The following CYREN variants were observed in gnomAD, a reference collection of about 807,000 sequenced individuals.
CYREN encodes cell cycle regulator of NHEJ.
In CYREN, 7 loss-of-function variants were observed where a neutral mutation model predicts 9.7. The observed-to-expected ratio is 0.72, with a 90% CI of 0.41 to 1.36. The LOEUF is 1.36. CYREN is among the 40% of genes most tolerant of loss of function. CYREN has a pLI of 0.01. For missense variants in CYREN, 215 were observed against 198.1 expected (o/e 1.09, Z -0.51); for synonymous variants, 76 against 77.9 (o/e 0.98, Z 0.13).
At chr7:135,135,992 T>C (rs1163637541) in intron 2 of CYREN, among the ~76,000 whole-genome samples, 3 of 152,144 alleles carry the variant, frequency 2.0e-5, no homozygotes, top group African/African-American at 7.2e-5. Flanking sequence ...CATTTATTCA[T>C]GTGAACACTG....
Position 135,114,524 on chromosome 7 carries a change from T to C in CYREN, n.357-19942A>G, listed in dbSNP as rs527829885. On this transcript the variant is annotated intron_variant and non_coding_transcript_variant, in intron 2 of 2. Transcript: ENST00000459937. ...AACATGCTCTTCCCAGTCTCCCCCA[T>C]GTCCTTATACTGCCATTTCCTCAAA... Among the ~76,000 whole-genome samples the C allele has an allele frequency of 4.6e-4, 70 of 151,092 alleles. No individual in the cohort carries two copies. The South Asian group carries it at 0.014, about 31-fold the overall frequency.
downstream of CYREN, among the ~76,000 whole-genome samples, chr7:135,163,258 A>T (rs766378902): frequency 3.9e-5 from 6 of 152,258 alleles, no homozygotes; most frequent in Non-Finnish European, 2.9e-5. Flanking sequence ...GTAAAAATAC[A>T]TCAGTACAGG....
intron 2 of CYREN, among the ~76,000 whole-genome samples, chr7:135,113,840 C>T (rs1265995390): frequency 6.6e-6 from 1 of 152,168 alleles, no homozygotes; most frequent in East Asian, 1.9e-4. Flanking sequence ...GGAAACCATC[C>T]TTCTACTTTT....
intron 2 of CYREN, among the ~76,000 whole-genome samples, chr7:135,146,872 C>T (rs898020938): frequency 2.0e-5 from 3 of 152,152 alleles, no homozygotes; most frequent in African/African-American, 7.2e-5. Context: ...AAAACTGACT[C>T]TTTGAAAACT....
intron 2 of CYREN, among the ~76,000 whole-genome samples, chr7:135,096,480 CTAGGAAGATA>C: frequency 2.7e-5 from 4 of 147,350 alleles, no homozygotes; most frequent in Non-Finnish European, 3.0e-5. Flanking sequence ...ACATATACAA[CTAGGAAGATA>C]CCCAAAATAG....
intron 2 of CYREN, among the ~76,000 whole-genome samples, chr7:135,109,283 T>G (rs1825247172): frequency 1.3e-5 from 2 of 152,224 alleles, no homozygotes; most frequent in African/African-American, 2.4e-5. Context: ...GAATTCTCTC[T>G]AGGGCCTGGA....
intron 2 of CYREN, among the ~76,000 whole-genome samples, chr7:135,102,625 G>T (rs1201547222): frequency 4.1e-5 from 6 of 145,106 alleles, no homozygotes; most frequent in African/African-American, 1.0e-4. Flanking sequence ...TTCTCTTGTG[G>T]TTTTTTTTTT....
At chr7:135,171,233 G>A (rs1830637405), upstream of CYREN, among the ~76,000 whole-genome samples, 1 of 151,980 alleles carries the variant, frequency 6.6e-6, no homozygotes. Flanking sequence ...ACCAAGGCTA[G>A]AAAGAATTTC....
chr7:135,149,615 G>A (rs2117419302), intron 2 of CYREN, among the ~76,000 whole-genome samples: 1 of 152,290 alleles, frequency 6.6e-6, no homozygotes, highest in Non-Finnish European at 1.5e-5. Context: ...CTCCCTGAAA[G>A]TTTGTACAAA....
chr7:135,110,248 T>C (rs1351874681), intron 2 of CYREN, among the ~76,000 whole-genome samples: 1 of 152,126 alleles, frequency 6.6e-6, no homozygotes, highest in Non-Finnish European at 1.5e-5. Flanking sequence ...GGTCTTATCC[T>C]GAGATGTGCT....
intron 2 of CYREN, among the ~76,000 whole-genome samples, chr7:135,117,964 G>A (rs1434244339): frequency 6.6e-6 from 1 of 152,190 alleles, no homozygotes; most frequent in Non-Finnish European, 1.5e-5. Flanking sequence ...ACTGCTGTAG[G>A]ATGCAAATTT....
chr7:135,115,503 A>C, intron 2 of CYREN: 1 of 1,551,366 alleles, frequency 6.4e-7, no homozygotes, highest in Non-Finnish European at 8.7e-7. Context: ...GTTCAAACTC[A>C]AGAAATATTG....
chr7:135,122,431 C>T (rs1827266246), intron 2 of CYREN, among the ~76,000 whole-genome samples: 1 of 152,220 alleles, frequency 6.6e-6, no homozygotes, highest in South Asian at 2.1e-4. Context: ...ACAGTCTTTG[C>T]AGACCAGCAG....
rs1188096660 is a variant in CYREN, at chr7:135,168,871, T to C, written c.52A>G (p.Thr18Ala). Residue 18 changes from threonine to alanine, a missense_variant, in exon 2 of 4, where the codon ACA becomes GCA. Thr to Ala is a moderately conservative substitution (Grantham distance 58). Coordinates refer to ENST00000393114, the MANE Select transcript of CYREN (RefSeq NM_024033.4). ...TKTRVLPSWLTAQVATKNVAP... is the reference protein window; with the variant it reads ...TKTRVLPSWLAAQVATKNVAP... ...ACATTCTTTGTAGCCACCTGGGCTG[T>C]CAGCCATGAGGGAAGGACCCTCGTT... The C allele has an allele frequency of 6.2e-7, 1 of 1,613,842 alleles. No individual in the cohort carries two copies. The highest frequency in any genetic ancestry group is 8.5e-7 in the Non-Finnish European group (1 of 1,179,914).
At chr7:135,127,794 C>G (rs1215476581) in intron 2 of CYREN, among the ~76,000 whole-genome samples, 3 of 152,124 alleles carry the variant, frequency 2.0e-5, no homozygotes, top group African/African-American at 7.2e-5. Flanking sequence ...AGAACCAGAA[C>G]TACCATTTGA....
At chr7:135,147,091 G>T (rs10238516) in intron 2 of CYREN, among the ~76,000 whole-genome samples, 73,720 of 151,918 alleles carry the variant, frequency 0.49, 18,249 homozygotes, top group South Asian at 0.66. Flanking sequence ...CATTACTATG[G>T]TCCCAGTATT....
intron 2 of CYREN, among the ~76,000 whole-genome samples, chr7:135,097,958 T>C (rs958604499): frequency 6.6e-6 from 1 of 152,160 alleles, no homozygotes; most frequent in African/African-American, 2.4e-5. Context: ...TTTAAAAACA[T>C]TTTCCCTGAG....
At chr7:135,150,282 G>A (rs947818868) in intron 2 of CYREN, among the ~76,000 whole-genome samples, 1 of 152,156 alleles carries the variant, frequency 6.6e-6, no homozygotes, top group Admixed American at 6.5e-5. Context: ...GGCTTTCCCT[G>A]ACCCTATAAT....
chr7:135,095,666 T>G (rs944823274), intron 2 of CYREN, among the ~76,000 whole-genome samples: 1 of 152,214 alleles, frequency 6.6e-6, no homozygotes, highest in Non-Finnish European at 1.5e-5. Flanking sequence ...CAACACTGTT[T>G]TTTGTGCTAA....
Sources: allele counts gnomAD v4.1 joint callset (sites outside exome capture counted in the v4.1 genomes callset), GRCh38; gene constraint gnomAD v4.1.1; transcripts MANE v1.5; gene names NCBI Gene and HGNC (gene_info 2026-07-23, HGNC 2026-07-21).